The following SPHKAP variants were observed in gnomAD, a reference collection of about 807,000 sequenced individuals.
The protein encoded by SPHKAP is A-kinase anchor protein SPHKAP.
A neutral mutation model predicts 137.5 loss-of-function variants in SPHKAP; 67 were observed. The observed-to-expected ratio is 0.49, with a 90% CI of 0.40 to 0.60. The LOEUF (loss-of-function observed/expected upper bound fraction) is 0.60. SPHKAP is among the 20% of genes least tolerant of loss of function. The probability of loss-of-function intolerance (pLI) is 0.00; values close to 1 mark genes in which losing one functional copy is unlikely to be tolerated. For synonymous variants in SPHKAP, 813 were observed against 785.3 expected (o/e 1.04, Z -0.59); for missense variants, 2,097 against 2,069.3 (o/e 1.01, Z -0.26).
chr2:228,154,085 T>C (rs1700020508), intron 1 of SPHKAP, among the ~76,000 whole-genome samples: 1 of 152,206 alleles, frequency 6.6e-6, no homozygotes, highest in East Asian at 1.9e-4. Context: ...TAGAATGAGA[T>C]GCAAAAATGA....
chr2:228,034,923 C>T (rs1484981975), intron 3 of SPHKAP, among the ~76,000 whole-genome samples: 2 of 151,710 alleles, frequency 1.3e-5, no homozygotes, highest in Non-Finnish European at 2.9e-5. Flanking sequence ...CAGCCAATAT[C>T]ATTCCGGATG....
At chr2:228,094,303 G>A (rs1697913167) in intron 3 of SPHKAP, among the ~76,000 whole-genome samples, 1 of 152,132 alleles carries the variant, frequency 6.6e-6, no homozygotes, top group Non-Finnish European at 1.5e-5. Flanking sequence ...TTTACTCTGT[G>A]GCCTTGAGAA....
chr2:228,037,712 A>G (rs186638120), intron 3 of SPHKAP, among the ~76,000 whole-genome samples: 9,391 of 152,234 alleles, frequency 0.062, 401 homozygotes, highest in Non-Finnish European at 0.087. Flanking sequence ...ATGGAAAGAG[A>G]TAAGCATAGT....
intron 1 of SPHKAP, among the ~76,000 whole-genome samples, chr2:228,150,675 ATT>A (rs1699903224): frequency 1.3e-5 from 2 of 151,812 alleles, no homozygotes; most frequent in Admixed American, 1.3e-4. Flanking sequence ...CTCTTTTAAA[ATT>A]AAGGATACCA....
chr2:228,143,999 G>A (rs1489517829), intron 1 of SPHKAP, among the ~76,000 whole-genome samples: 3 of 152,170 alleles, frequency 2.0e-5, no homozygotes, highest in Admixed American at 1.3e-4. Flanking sequence ...TCCTAAAACA[G>A]GCCAGGCACA....
At chr2:228,119,814 T>A (rs1359335959) in intron 2 of SPHKAP, among the ~76,000 whole-genome samples, 1 of 152,160 alleles carries the variant, frequency 6.6e-6, no homozygotes, top group African/African-American at 2.4e-5. Context: ...ATTTTTCTCT[T>A]AATGATGATT....
At chr2:228,120,106 A>T (rs1698859181) in intron 2 of SPHKAP, among the ~76,000 whole-genome samples, 1 of 152,138 alleles carries the variant, frequency 6.6e-6, no homozygotes, top group Non-Finnish European at 1.5e-5. Flanking sequence ...CAAAGGTGTG[A>T]TTAGTTAGAA....
At chr2:228,071,955 T>A (rs753995620) in intron 3 of SPHKAP, among the ~76,000 whole-genome samples, 90 of 152,186 alleles carry the variant, frequency 5.9e-4, no homozygotes, top group Non-Finnish European at 1.1e-3. Flanking sequence ...GGAACCTATC[T>A]GTGTCTGTGA....
chr2:228,044,473 T>C lies in SPHKAP; in HGVS notation c.247-16930A>G, dbSNP rs539427311. On this transcript the variant is annotated intron_variant, in intron 3 of 11. Coordinates refer to ENST00000392056, the MANE Select transcript of SPHKAP (RefSeq NM_001142644.2). The stretch of plus-strand genomic sequence containing the variant: ...GCTCCAGGTCTGCATATGAAAACTT[T>C]AGCCCAAGGCATGTATCTGAATTAC... Among the ~76,000 whole-genome samples the C allele has an allele frequency of 8.5e-5, 13 of 152,302 alleles. No homozygotes were observed. The South Asian group carries it at 2.1e-3, about 24-fold the overall frequency.
chr2:228,067,564 G>C (rs541871166), intron 3 of SPHKAP, among the ~76,000 whole-genome samples: 3 of 152,248 alleles, frequency 2.0e-5, no homozygotes, highest in African/African-American at 7.2e-5. Context: ...GGGGCCTCTG[G>C]TTTAGAGCTG....
chr2:228,027,695 C>T, intron 3 of SPHKAP, 152 bp from the exon 4 acceptor site: 1 of 790,636 alleles, frequency 1.3e-6, no homozygotes, highest in Non-Finnish European at 2.0e-6. Flanking sequence ...AGGGCGGGCG[C>T]AGTGGCTTAT....
chr2:228,001,448 T>C (rs1693879865), intron 7 of SPHKAP, among the ~76,000 whole-genome samples: 1 of 142,886 alleles, frequency 7.0e-6, no homozygotes, highest in Non-Finnish European at 1.5e-5. Context: ...TATATATGTA[T>C]ATATACGAAT....
In SPHKAP at chr2:228,017,645, A is replaced by G; in HGVS notation, c.3209T>C (p.Leu1070Pro). The change falls in exon 7 of 12, where the codon CTG (leucine) becomes CCG (proline). Residue 1070 changes from leucine to proline, a missense_variant. Coordinates refer to ENST00000392056, the MANE Select transcript of SPHKAP (RefSeq NM_001142644.2). ...CAGCCGGCTCCACCTGTCGCCACTC[A>G]GTAACCGATTCCGGGGATAGCCCTG... Reference protein sequence around the residue: ...QAQGYPRNRLLSGDRWSRLKA... With the variant: ...QAQGYPRNRLPSGDRWSRLKA... 6.2e-7 allele frequency: 1 copy of G among 1,613,978 alleles called. No homozygotes were observed. The highest frequency in any genetic ancestry group is 8.5e-7 in the Non-Finnish European group (1 of 1,180,024).
intron 3 of SPHKAP, among the ~76,000 whole-genome samples, chr2:228,056,642 G>A (rs919939097): frequency 2.6e-5 from 4 of 151,796 alleles, no homozygotes; most frequent in African/African-American, 9.7e-5. Flanking sequence ...GTATGAGCAC[G>A]AGCCAGAGGA....
intron 3 of SPHKAP, among the ~76,000 whole-genome samples, chr2:228,041,439 G>A (rs1695835856): frequency 6.6e-6 from 1 of 152,042 alleles, no homozygotes; most frequent in African/African-American, 2.4e-5. Context: ...GAATTCAGGA[G>A]TTCAAGACCA....
At chr2:228,167,224 A>G (rs1280605741) in intron 1 of SPHKAP, among the ~76,000 whole-genome samples, 1 of 152,166 alleles carries the variant, frequency 6.6e-6, no homozygotes, top group African/African-American at 2.4e-5. Context: ...TTTCTTGGAT[A>G]CTTTTTATAA....
At chr2:228,095,848 G>A (rs1697967428) in intron 3 of SPHKAP, among the ~76,000 whole-genome samples, 2 of 152,288 alleles carry the variant, frequency 1.3e-5, no homozygotes, top group African/African-American at 2.4e-5. Context: ...ATGACCATTT[G>A]TTGTCTTTTG....
At chr2:228,092,212 T>G (rs1001880331) in intron 3 of SPHKAP, among the ~76,000 whole-genome samples, 47 of 147,586 alleles carry the variant, frequency 3.2e-4, no homozygotes, top group Non-Finnish European at 5.1e-4. Context: ...TACACACATA[T>G]ATACACACAT....
intron 3 of SPHKAP, among the ~76,000 whole-genome samples, chr2:228,100,977 T>G (rs1698167893): frequency 1.3e-5 from 2 of 152,042 alleles, no homozygotes; most frequent in Non-Finnish European, 2.9e-5. Context: ...TTTATAAGAG[T>G]GGCCCAGAGC....
Sources: allele counts gnomAD v4.1 joint callset (sites outside exome capture counted in the v4.1 genomes callset), GRCh38; gene constraint gnomAD v4.1.1; transcripts MANE v1.5; gene names NCBI Gene and HGNC (gene_info 2026-07-23, HGNC 2026-07-21).